Variants in TMED3 observed in about 807,000 individuals in gnomAD.
TMED3 encodes the protein transmembrane p24 trafficking protein 3.
In TMED3, 9 loss-of-function variants were observed where a neutral mutation model predicts 15.0. That is an observed-to-expected ratio of 0.60 (90% CI 0.36 to 1.04). TMED3 has a LOEUF of 1.04. Ranked by LOEUF, TMED3 falls within the 50% of genes least tolerant of loss-of-function variation. The pLI, the probability that TMED3 is intolerant of heterozygous loss-of-function variation, is 0.01. For missense variants in TMED3, 267 were observed against 278.9 expected, an observed-to-expected ratio of 0.96 and a Z score of 0.30; for synonymous variants, 117 against 121.4, an observed-to-expected ratio of 0.96 and a Z score of 0.24.
intron 2 of TMED3, among the ~76,000 whole-genome samples, chr15:79,354,122 T>C (rs2058909160): frequency 6.6e-6 from 1 of 152,162 alleles, no homozygotes; most frequent in African/African-American, 2.4e-5. Context: ...TTAAGAAGAA[T>C]TGAGGTGTGT....
chr15:79,389,719 A>G (rs1893673072), intron 2 of TMED3, among the ~76,000 whole-genome samples: 1 of 152,176 alleles, frequency 6.6e-6, no homozygotes, highest in South Asian at 2.1e-4. Flanking sequence ...CCACCCATCC[A>G]TGAGCATGGG....
At position 79,332,104 on chromosome 15, in the gene TMED3, A is replaced by G. The variant is rs187577835; in HGVS notation, c.417+18099A>G. Among the ~76,000 whole-genome samples the G allele has an allele frequency of 9.6e-4, 147 of 152,350 alleles. 1 individual carries two copies. Among genetic ancestry groups the G allele is most frequent in the African/African-American group, 3.4e-3 (140 of 41,574 alleles). ...AAGAAAAGGATGAAAAAGACTTTCC[A>G]GGGAAATAACCAAATGAAAAGTGAG... On this transcript the variant is annotated intron_variant, in intron 2 of 2. Coordinates refer to the TMED3 transcript ENST00000424155.
intron 2 of TMED3, among the ~76,000 whole-genome samples, chr15:79,331,111 CA>C (rs2058806560): frequency 6.6e-6 from 1 of 152,170 alleles, no homozygotes; most frequent in African/African-American, 2.4e-5. Context: ...CACTTTTAAA[CA>C]ACCAGATTGT....
intron 2 of TMED3, among the ~76,000 whole-genome samples, chr15:79,336,011 A>G (rs1304878811): frequency 1.3e-5 from 2 of 152,234 alleles, no homozygotes; most frequent in African/African-American, 2.4e-5. Context: ...TCCCAAGGCT[A>G]TGCAGCTAGT....
intron 2 of TMED3, among the ~76,000 whole-genome samples, chr15:79,365,243 G>T (rs1291010728): frequency 6.6e-6 from 1 of 152,200 alleles, no homozygotes; most frequent in Non-Finnish European, 1.5e-5. Context: ...ACAGGTCATA[G>T]GTGAATTCAG....
chr15:79,342,846 A>G (rs2058856461), intron 2 of TMED3, among the ~76,000 whole-genome samples: 1 of 152,254 alleles, frequency 6.6e-6, no homozygotes, highest in South Asian at 2.1e-4. Flanking sequence ...CTTACATCTC[A>G]TGGAACAGCC....
chr15:79,347,375 A>T (rs1205359871), intron 2 of TMED3, among the ~76,000 whole-genome samples: 1 of 152,142 alleles, frequency 6.6e-6, no homozygotes, highest in Non-Finnish European at 1.5e-5. Context: ...ATTGAAGGAA[A>T]ATACCTCAAA....
At chr15:79,371,701 C>T (rs1005957873) in intron 2 of TMED3, among the ~76,000 whole-genome samples, 4 of 152,176 alleles carry the variant, frequency 2.6e-5, no homozygotes, top group Non-Finnish European at 4.4e-5. Flanking sequence ...CTAGAGGCAT[C>T]TCTTGGTCTG....
intron 2 of TMED3, among the ~76,000 whole-genome samples, chr15:79,316,799 G>C (rs2058742296): frequency 6.6e-6 from 1 of 152,160 alleles, no homozygotes. Flanking sequence ...GAGACCTGGG[G>C]ACTCGTGGCC....
intron 2 of TMED3, among the ~76,000 whole-genome samples, chr15:79,370,171 ACCTCCACCTC>A (rs1220849068): frequency 1.3e-5 from 2 of 150,910 alleles, no homozygotes; most frequent in Admixed American, 6.6e-5. Context: ...GCTCACTGCA[ACCTCCACCTC>A]CCAGATTCAA....
Position 79,380,588 on chromosome 15 carries a change from T to TGTAGTTAC in TMED3, c.418-30812_418-30811insGTAGTTAC, listed in dbSNP as rs1893513791. On this transcript the variant is annotated intron_variant, in intron 2 of 2. Transcript: ENST00000424155. The stretch of plus-strand genomic sequence containing the variant: ...AGTTACATATATATAGTTTTATATA[T>TGTAGTTAC]ATATATATATATAGAGAGAGAGAGG... Among the ~76,000 whole-genome samples, 3 of 139,346 alleles carry TGTAGTTAC rather than the reference T, an allele frequency of 2.2e-5. No homozygotes were observed. The Admixed American group carries it at 2.2e-4, about 10-fold the overall frequency. 91.4% of individuals were successfully genotyped at this position (139,346 alleles called of 152,430 possible).
intron 2 of TMED3, among the ~76,000 whole-genome samples, chr15:79,391,275 T>C (rs1019651552): frequency 1.3e-5 from 2 of 152,122 alleles, no homozygotes; most frequent in Non-Finnish European, 2.9e-5. Flanking sequence ...TTTGTCATTA[T>C]TGTTGTTCAG....
chr15:79,313,707 G>C, intron 1 of TMED3, 50 bp from the exon 2 acceptor site: 2 of 1,581,878 alleles, frequency 1.3e-6, no homozygotes, highest in Non-Finnish European at 1.7e-6. Flanking sequence ...TTGGCATTTG[G>C]TAAGTGGTGG....
chr15:79,397,415 A>C (rs78694161), intron 2 of TMED3, among the ~76,000 whole-genome samples: 1,827 of 152,320 alleles, frequency 0.012, 82 homozygotes, highest in East Asian at 0.11. Context: ...GACGACAAAC[A>C]GATCTGAAGA....
intron 2 of TMED3, among the ~76,000 whole-genome samples, chr15:79,342,739 AGTTAATAACCATTTGTTAAG>A (rs2058856009): frequency 6.6e-6 from 1 of 152,228 alleles, no homozygotes; most frequent in Non-Finnish European, 1.5e-5. Context: ...TTAATTAAGT[AGTTAATAACCATTTGTTAAG>A]TGTCTGTGTT....
At chr15:79,349,404 G>A (rs1317840828) in intron 2 of TMED3, among the ~76,000 whole-genome samples, 1 of 152,040 alleles carries the variant, frequency 6.6e-6, no homozygotes, top group Non-Finnish European at 1.5e-5. Flanking sequence ...TTGCATCTGG[G>A]AAGAGAAACT....
intron 2 of TMED3, among the ~76,000 whole-genome samples, chr15:79,345,998 G>T (rs1246280388): frequency 2.6e-5 from 4 of 152,094 alleles, no homozygotes; most frequent in Admixed American, 2.6e-4. Flanking sequence ...TAATGGAGTT[G>T]TTTGTATTTT....
chr15:79,323,390 C>T (rs967909691), downstream of TMED3, among the ~76,000 whole-genome samples: 26 of 152,212 alleles, frequency 1.7e-4, no homozygotes, highest in Non-Finnish European at 3.7e-4. Context: ...AAGGATACCC[C>T]ATAAGCCTCA....
At chr15:79,326,752 G>A (rs1214676048), downstream of TMED3, among the ~76,000 whole-genome samples, 1 of 152,220 alleles carries the variant, frequency 6.6e-6, no homozygotes, top group Non-Finnish European at 1.5e-5. Flanking sequence ...AAGTGACAGA[G>A]TCCTGTGGGT....
Sources: gnomAD v4.1 joint callset for allele counts (sites outside exome capture counted in the v4.1 genomes callset) on GRCh38, gnomAD v4.1.1 for gene constraint, MANE v1.5 for transcripts, NCBI Gene and HGNC (gene_info 2026-07-23, HGNC 2026-07-21) for gene names.